The following PRKN variants were observed in gnomAD, a reference collection of about 807,000 sequenced individuals.
The protein encoded by PRKN is parkin RBR E3 ubiquitin protein ligase.
PRKN carries 56 observed loss-of-function variants against 59.5 expected under a neutral mutation model. That is an observed-to-expected ratio of 0.94 (90% CI 0.76 to 1.18). The LOEUF (loss-of-function observed/expected upper bound fraction) is 1.18. PRKN is among the 50% of genes most tolerant of loss of function. The probability of loss-of-function intolerance (pLI) is 0.00; values close to 1 mark genes in which losing one functional copy is unlikely to be tolerated. For synonymous variants in PRKN, 250 were observed against 222.1 expected (o/e 1.13, Z -1.12); for missense variants, 657 against 596.4 (o/e 1.10, Z -1.06).
intron 9 of PRKN, among the ~76,000 whole-genome samples, chr6:161,528,316 A>T (rs1401482876): frequency 1.3e-5 from 2 of 152,206 alleles, no homozygotes; most frequent in Non-Finnish European, 2.9e-5. Context: ...TAGTGGGTGC[A>T]CAGCTGTGGG....
intron 1 of PRKN, among the ~76,000 whole-genome samples, chr6:162,525,474 T>A (rs2846509): frequency 6.6e-6 from 1 of 151,978 alleles, no homozygotes; most frequent in African/African-American, 2.4e-5. Context: ...TTGATCCAAA[T>A]CCCACCTGCC....
intron 9 of PRKN, among the ~76,000 whole-genome samples, chr6:161,535,712 T>C (rs1562511177): frequency 6.6e-6 from 1 of 152,220 alleles, no homozygotes; most frequent in Non-Finnish European, 1.5e-5. Context: ...CCTCTTCTCT[T>C]TCCCCTTTGT....
At chr6:162,597,334 C>A (rs1169612401) in intron 1 of PRKN, among the ~76,000 whole-genome samples, 1 of 152,140 alleles carries the variant, frequency 6.6e-6, no homozygotes, top group Non-Finnish European at 1.5e-5. Context: ...GATAATTTAA[C>A]AGACTTTAAA....
intron 1 of PRKN, among the ~76,000 whole-genome samples, chr6:162,507,183 TTTCTC>T (rs947592792): frequency 1.2e-4 from 19 of 152,170 alleles, no homozygotes; most frequent in African/African-American, 4.6e-4. Flanking sequence ...CATGCTATGA[TTTCTC>T]ACCCAGAACA....
intron 7 of PRKN, among the ~76,000 whole-genome samples, chr6:161,649,087 T>C (rs1318154782): frequency 6.6e-6 from 1 of 152,216 alleles, no homozygotes; most frequent in Non-Finnish European, 1.5e-5. Context: ...TCACAAAGCA[T>C]TGCTACATTT....
chr6:161,516,826 CAAAA>C (rs369136348), intron 9 of PRKN, among the ~76,000 whole-genome samples: 2 of 63,218 alleles, frequency 3.2e-5, no homozygotes, highest in Non-Finnish European at 5.6e-5. Context: ...GACTCAATCT[CAAAA>C]AAAAAAAAAA....
intron 6 of PRKN, among the ~76,000 whole-genome samples, chr6:161,957,409 G>GTTGTTTTTTTTTTTTTTTTTT (rs1562418017): frequency 7.8e-6 from 1 of 127,394 alleles, no homozygotes; most frequent in Non-Finnish European, 1.7e-5. Context: ...TGTTCTTGTT[G>GTTGTTTTTTTTTTTTTTTTTT]TTTTTTTTTT....
At chr6:162,052,164 G>C (rs972577727) in intron 5 of PRKN, among the ~76,000 whole-genome samples, 2 of 151,922 alleles carry the variant, frequency 1.3e-5, no homozygotes, top group African/African-American at 4.8e-5. Flanking sequence ...GCTGCATTTA[G>C]GATAATTTTT....
chr6:161,428,385 T>C lies in PRKN; in HGVS notation c.1084-41508A>G, dbSNP rs969982324. ...CAGGACGGGCTGCTGGGGTGGAGAG[T>C]GCAGACAGAAGCCTGCCATCCGCCG... is the stretch of plus-strand genomic sequence containing the variant. On this transcript the variant is annotated intron_variant, in intron 9 of 11. Coordinates refer to ENST00000366898, the MANE Select transcript of PRKN (RefSeq NM_004562.3). The surrounding 1 kb of genome is among the most constrained non-coding windows in gnomAD (Gnocchi z 4.0). Among the ~76,000 whole-genome samples the C allele has an allele frequency of 6.6e-6, 1 of 151,306 alleles. No homozygotes were observed. The highest frequency in any genetic ancestry group is 6.6e-5 in the Admixed American group (1 of 15,160).
intron 6 of PRKN, among the ~76,000 whole-genome samples, chr6:161,957,732 T>C (rs961520256): frequency 1.1e-4 from 16 of 151,904 alleles, no homozygotes; most frequent in African/African-American, 3.9e-4. Flanking sequence ...CCATGTCTTC[T>C]CTTGATTTTG....
chr6:162,388,443 G>A (rs1008222959), intron 2 of PRKN, among the ~76,000 whole-genome samples: 5 of 152,154 alleles, frequency 3.3e-5, no homozygotes, highest in African/African-American at 1.2e-4. Context: ...GGTTTAATAA[G>A]AAAATGAAAA....
chr6:161,747,424 G>A (rs1319135943), intron 7 of PRKN, among the ~76,000 whole-genome samples: 3 of 150,596 alleles, frequency 2.0e-5, no homozygotes, highest in African/African-American at 7.3e-5. Flanking sequence ...TCAGAAAACT[G>A]ATTATTTTAA....
intron 9 of PRKN, among the ~76,000 whole-genome samples, chr6:161,489,578 C>A (rs1334293729): frequency 6.6e-6 from 1 of 151,978 alleles, no homozygotes. Context: ...CAACAACAAA[C>A]CCAAAACAAA....
chr6:162,501,358 T>C, intron 1 of PRKN, among the ~76,000 whole-genome samples: 1 of 151,284 alleles, frequency 6.6e-6, no homozygotes, highest in Admixed American at 6.6e-5. Context: ...TTTCCTTTTT[T>C]TTTTTTTGAG....
At chr6:162,322,223 G>A (rs560654054) in intron 2 of PRKN, among the ~76,000 whole-genome samples, 5 of 151,656 alleles carry the variant, frequency 3.3e-5, no homozygotes, top group African/African-American at 4.8e-5. Flanking sequence ...TATAAAATAC[G>A]CAAAAATAAA....
chr6:161,885,502 A>G (rs1795107125), intron 6 of PRKN, among the ~76,000 whole-genome samples: 1 of 151,998 alleles, frequency 6.6e-6, no homozygotes, highest in Non-Finnish European at 1.5e-5. Context: ...GTCTCTACTA[A>G]AAATACAAAA....
chr6:161,980,550 C>A (rs1781222475), intron 5 of PRKN, among the ~76,000 whole-genome samples: 1 of 152,154 alleles, frequency 6.6e-6, no homozygotes, highest in Admixed American at 6.5e-5. Flanking sequence ...AGATTAGCGT[C>A]ATTATTGCAC....
chr6:162,708,518 C>T (rs982321019), intron 1 of PRKN, among the ~76,000 whole-genome samples: 5 of 152,208 alleles, frequency 3.3e-5, no homozygotes, highest in Non-Finnish European at 5.9e-5. Flanking sequence ...CAACCTAACA[C>T]GGCTTTCATG....
At chr6:162,376,709 G>C (rs1020137479) in intron 2 of PRKN, among the ~76,000 whole-genome samples, 4 of 147,404 alleles carry the variant, frequency 2.7e-5, no homozygotes, top group African/African-American at 1.0e-4. Context: ...CGGAGAGAGA[G>C]GGGGAAAGGG....
Sources: gnomAD v4.1 joint callset for allele counts (sites outside exome capture counted in the v4.1 genomes callset) on GRCh38, gnomAD v4.1.1 for gene constraint, Gnocchi (gnomAD v3.1) non-coding constraint, MANE v1.5 for transcripts, NCBI Gene and HGNC (gene_info 2026-07-23, HGNC 2026-07-21) for gene names.